SORCS3: variants seen among roughly 807,000 people sequenced by gnomAD.
SORCS3 encodes the protein sortilin related VPS10 domain containing receptor 3, also known as VPS10 domain-containing receptor SorCS3.
SORCS3 carries 57 observed loss-of-function variants against 146.3 expected under a neutral mutation model. That is an observed-to-expected ratio of 0.39 (90% CI 0.31 to 0.49). The LOEUF is 0.49. Ranked by LOEUF, SORCS3 falls within the 20% of genes least tolerant of loss-of-function variation. The pLI is 0.92. For synonymous variants in SORCS3, 653 were observed against 618.5 expected (o/e 1.06, Z -0.83); for missense variants, 1,341 against 1,575.5 (o/e 0.85, Z 2.52).
chr10:105,142,100 C>A (rs552068205), intron 8 of SORCS3, among the ~76,000 whole-genome samples: 1 of 152,096 alleles, frequency 6.6e-6, no homozygotes, highest in Non-Finnish European at 1.5e-5. Flanking sequence ...TTGCCTTAAA[C>A]CCTCACTTTA....
chr10:104,789,147 C>T (rs1165123154), intron 1 of SORCS3, among the ~76,000 whole-genome samples: 3 of 152,104 alleles, frequency 2.0e-5, no homozygotes, highest in Non-Finnish European at 2.9e-5. Flanking sequence ...TGGTGTGTCC[C>T]TTTTGAAAAC....
intron 1 of SORCS3, among the ~76,000 whole-genome samples, chr10:104,749,996 C>A (rs1020634473): frequency 6.6e-6 from 1 of 152,164 alleles, no homozygotes; most frequent in Admixed American, 6.5e-5. Flanking sequence ...GGCTATATAA[C>A]TAATTTTTTG....
chr10:104,969,747 CA>C (rs2054848341), intron 3 of SORCS3, among the ~76,000 whole-genome samples: 1 of 152,100 alleles, frequency 6.6e-6, no homozygotes, highest in Non-Finnish European at 1.5e-5. Context: ...TGTGTGTGTG[CA>C]CATAAATGCA....
chr10:105,007,841 A>G (rs1170766251), intron 4 of SORCS3, among the ~76,000 whole-genome samples: 16 of 152,300 alleles, frequency 1.1e-4, no homozygotes, highest in Admixed American at 9.8e-4. Context: ...AGAGCTCAGA[A>G]GGCAGGAAAG....
intron 12 of SORCS3, among the ~76,000 whole-genome samples, chr10:105,167,005 G>A (rs2056319438): frequency 6.6e-6 from 1 of 152,134 alleles, no homozygotes; most frequent in Non-Finnish European, 1.5e-5. Context: ...CATGTAGCAT[G>A]CTGGTTCACA....
intron 26 of SORCS3, 30 bp downstream of exon 26, chr10:105,262,521 T>G: frequency 6.2e-7 from 1 of 1,601,356 alleles, no homozygotes; most frequent in Non-Finnish European, 8.5e-7. Flanking sequence ...TAAGCTCCCC[T>G]GTTCTGTGTC....
intron 3 of SORCS3, among the ~76,000 whole-genome samples, chr10:104,946,519 A>C (rs1231848592): frequency 2.0e-5 from 3 of 152,206 alleles, no homozygotes; most frequent in African/African-American, 7.2e-5. Context: ...CCATCACAGG[A>C]GCTTTCATGA....
rs35368294 is a variant in SORCS3, at chr10:105,009,527, CAAAAAA to C, written c.954+32053_954+32058del. On this transcript the variant is annotated intron_variant, in intron 4 of 26. Coordinates refer to ENST00000369701, the MANE Select transcript of SORCS3 (RefSeq NM_014978.3). ...AAAAACAAACAAACAAACAAACAAA[CAAAAAA>C]AAAAAAAAAAAAAAAAAACCCCAAA... Among the ~76,000 whole-genome samples the C allele has an allele frequency of 2.7e-3, 279 of 105,226 alleles. 3 individuals are homozygous for C. The highest frequency in any genetic ancestry group is 7.9e-3 in the African/African-American group (256 of 32,472). 69.0% of individuals were successfully genotyped at this position (105,226 alleles called of 152,430 possible). A position where few individuals can be genotyped will look rare whatever the true frequency, so the allele number is the denominator to read the frequency against.
chr10:105,263,397 C>T lies in SORCS3; in HGVS notation c.*23C>T. On this transcript the variant is annotated 3_prime_UTR_variant, in exon 27 of 27. Coordinates refer to ENST00000369701, the MANE Select transcript of SORCS3 (RefSeq NM_014978.3). ...TAATACCAGCAAGCCACGTGGTCAA[C>T]CACCTTTCTGACTTTTTATTTTTGA... is the stretch of plus-strand genomic sequence containing the variant. The T allele has an allele frequency of 1.9e-6, 3 of 1,611,326 alleles. No homozygotes were observed. The highest frequency in any genetic ancestry group is 3.3e-5 in the Admixed American group (2 of 59,938).
At chr10:105,095,061 A>G (rs1340657782) in intron 6 of SORCS3, among the ~76,000 whole-genome samples, 1 of 152,112 alleles carries the variant, frequency 6.6e-6, no homozygotes, top group African/African-American at 2.4e-5. Flanking sequence ...TCACATATGG[A>G]TGGTACCAAT....
At chr10:104,790,040 C>T (rs1327228794) in intron 1 of SORCS3, among the ~76,000 whole-genome samples, 2 of 152,202 alleles carry the variant, frequency 1.3e-5, no homozygotes, top group African/African-American at 4.8e-5. Flanking sequence ...GTGTCTTCCC[C>T]AGGACAAAAG....
Position 104,825,921 on chromosome 10 carries a change from G to A in SORCS3, c.628-16871G>A, listed in dbSNP as rs559792402. Among the ~76,000 whole-genome samples, 8 of 152,204 alleles carry A rather than the reference G, an allele frequency of 5.3e-5. No homozygotes were observed. In the East Asian group the frequency reaches 1.2e-3, roughly 22 times the overall value. On this transcript the variant is annotated intron_variant, in intron 1 of 26. Coordinates refer to ENST00000369701, the MANE Select transcript of SORCS3 (RefSeq NM_014978.3). ...AGTCTCCTTGTTTCAACAGCATTGC[G>A]TTTTCATTTCCTTGATTTGTCACTT...
rs890526717 is a variant in SORCS3, at chr10:105,142,777, C to T, written c.1302+3291C>T. Among the ~76,000 whole-genome samples the T allele has an allele frequency of 8.6e-5, 13 of 152,002 alleles. No individual in the cohort carries two copies. In the East Asian group the frequency reaches 1.7e-3, roughly 20 times the overall value. On this transcript the variant is annotated intron_variant, in intron 8 of 26. Coordinates refer to ENST00000369701, the MANE Select transcript of SORCS3 (RefSeq NM_014978.3). ...CAAGGTGCTTGCAGGTATTGCAAGT[C>T]GTTTCAAATAAAATCTCCTCTTACC...
In SORCS3 at chr10:104,776,378, T is replaced by C. The variant is rs11192188; in HGVS notation, c.628-66414T>C. Among the ~76,000 whole-genome samples the C allele has an allele frequency of 4.9e-3, 752 of 152,254 alleles. 2 individuals are homozygous for C. The highest frequency in any genetic ancestry group is 6.7e-3 in the Non-Finnish European group (456 of 68,012). ...GTTCTTTCTGCTAGGCCAGCTCAAA[T>C]GTTGCCAGACATTGCAAGGGTAGTC... On this transcript the variant is annotated intron_variant, in intron 1 of 26. Coordinates refer to ENST00000369701, the MANE Select transcript of SORCS3 (RefSeq NM_014978.3).
intron 3 of SORCS3, among the ~76,000 whole-genome samples, chr10:104,916,676 G>A (rs1441931885): frequency 2.0e-5 from 3 of 152,122 alleles, no homozygotes; most frequent in African/African-American, 7.2e-5. Context: ...AGCTAAGAAA[G>A]CACTGCTATT....
Position 105,025,566 on chromosome 10 carries a change from C to T in SORCS3, c.955-17489C>T, listed in dbSNP as rs892826841. On this transcript the variant is annotated intron_variant, in intron 4 of 26. Transcript: ENST00000369701. The stretch of plus-strand genomic sequence containing the variant: ...CTTCAGATAAATTGGAGTTTCTGTA[C>T]ACTGGGATTTTTGAATCTCACTCCA... Among the ~76,000 whole-genome samples the T allele has an allele frequency of 2.6e-5, 4 of 152,076 alleles. No homozygotes were observed. In the East Asian group the frequency reaches 7.7e-4, roughly 29 times the overall value.
intron 5 of SORCS3, among the ~76,000 whole-genome samples, chr10:105,088,625 GTTTCT>G (rs1242146816): frequency 1.3e-5 from 2 of 152,276 alleles, no homozygotes; most frequent in Admixed American, 1.3e-4. Context: ...ATCAGCCCCT[GTTTCT>G]TTTCTTCTGT....
intron 5 of SORCS3, among the ~76,000 whole-genome samples, chr10:105,083,507 C>G (rs1434406926): frequency 2.0e-5 from 3 of 152,106 alleles, no homozygotes; most frequent in Non-Finnish European, 1.5e-5. Flanking sequence ...CATGCCTCTC[C>G]TCCCCTCCCT....
intron 3 of SORCS3, among the ~76,000 whole-genome samples, chr10:104,945,331 C>G (rs965475392): frequency 6.6e-6 from 1 of 152,032 alleles, no homozygotes; most frequent in Non-Finnish European, 1.5e-5. Context: ...GGCTCAGGCT[C>G]ACTGCAACCT....
Sources: allele counts gnomAD v4.1 joint callset (sites outside exome capture counted in the v4.1 genomes callset), GRCh38; gene constraint gnomAD v4.1.1; transcripts MANE v1.5; gene names NCBI Gene and HGNC (gene_info 2026-07-23, HGNC 2026-07-21).